The following TMC2 variants were observed in gnomAD, a reference collection of about 807,000 sequenced individuals.
TMC2 encodes transmembrane channel-like protein 2.
In TMC2, 102 loss-of-function variants were observed where a neutral mutation model predicts 105.9. The observed-to-expected ratio is 0.96, with a 90% CI of 0.82 to 1.14. The LOEUF (loss-of-function observed/expected upper bound fraction) is 1.14, where lower values mean the gene tolerates loss of function less well. Among genes scored for constraint, TMC2 ranks in the 50% most tolerant of loss-of-function variants. The probability of loss-of-function intolerance (pLI) is 0.00; values close to 1 mark genes in which losing one functional copy is unlikely to be tolerated. For synonymous variants in TMC2, 402 were observed against 422.8 expected (o/e 0.95, Z 0.60); for missense variants, 1,093 against 1,134.3 (o/e 0.96, Z 0.52).
rs79582407 is a variant in TMC2 at position 2,578,652 on chromosome 20, A to G, written c.646-494A>G. Among the ~76,000 whole-genome samples, 99 of 152,344 alleles carry G rather than the reference A, an allele frequency of 6.5e-4. 2 individuals carry two copies. The East Asian group carries it at 0.018, about 28-fold the overall frequency. ...TCCCCCAGGAGAAGAATGTTCAGCT[A>G]TGGGTTGAGATCTCCTTATCAGTTG... is the stretch of plus-strand genomic sequence containing the variant. On this transcript the variant is annotated intron_variant, in intron 5 of 19. Transcript: ENST00000358864.
chr20:2,545,006 G>A (rs1441737389), intron 2 of TMC2, among the ~76,000 whole-genome samples: 1 of 150,386 alleles, frequency 6.6e-6, no homozygotes, highest in East Asian at 1.9e-4. Flanking sequence ...GAGCAGCCTG[G>A]GCAATATAAT....
At chr20:2,573,561 C>CTTTTTTTTTTTT (rs370771531) in intron 5 of TMC2, among the ~76,000 whole-genome samples, 4 of 117,000 alleles carry the variant, frequency 3.4e-5, no homozygotes, top group Admixed American at 8.7e-5. Flanking sequence ...CTTTTCTTTT[C>CTTTTTTTTTTTT]TTTTTTTTTT....
intron 16 of TMC2, among the ~76,000 whole-genome samples, chr20:2,623,651 C>CACCAAAATT (rs1211134691): frequency 6.6e-6 from 1 of 152,142 alleles, no homozygotes; most frequent in African/African-American, 2.4e-5. Context: ...CACCTCTTGG[C>CACCAAAATT]ACCAAAATTA....
chr20:2,572,357 C>T (rs1328550207), intron 5 of TMC2, 88 bp downstream of exon 5: 1 of 969,710 alleles, frequency 1.0e-6, no homozygotes, highest in African/African-American at 1.6e-5. Context: ...CCCAGCTTCG[C>T]CATTTGTGTC....
At chr20:2,617,355 A>G in intron 16 of TMC2, 44 bp downstream of exon 16, 1 of 1,611,736 alleles carries the variant, frequency 6.2e-7, no homozygotes. Context: ...CTCCCGAGGC[A>G]GTCTGCTCAG....
At chr20:2,583,122 T>G (rs1181597724) in intron 7 of TMC2, among the ~76,000 whole-genome samples, 1 of 152,210 alleles carries the variant, frequency 6.6e-6, no homozygotes, top group East Asian at 1.9e-4. Context: ...TTATCTCTGT[T>G]TTAAAAGCTT....
At chr20:2,620,815 A>G (rs1245788945) in intron 16 of TMC2, among the ~76,000 whole-genome samples, 1 of 152,234 alleles carries the variant, frequency 6.6e-6, no homozygotes, top group Admixed American at 6.5e-5. Flanking sequence ...TCTGCAGCCC[A>G]GAGGATTATT....
chr20:2,546,517 G>GTAGA (rs1356278008), intron 2 of TMC2, among the ~76,000 whole-genome samples: 5 of 152,130 alleles, frequency 3.3e-5, no homozygotes, highest in Non-Finnish European at 5.9e-5. Context: ...GGCATAAGCT[G>GTAGA]TCTACATCTG....
At chr20:2,581,543 A>G (rs2086190100) in intron 7 of TMC2, among the ~76,000 whole-genome samples, 1 of 152,238 alleles carries the variant, frequency 6.6e-6, no homozygotes, top group East Asian at 1.9e-4. Context: ...GCTAATAGGA[A>G]GTCTCATTTA....
chr20:2,567,357 T>C (rs1370349763), intron 4 of TMC2, among the ~76,000 whole-genome samples: 1 of 152,142 alleles, frequency 6.6e-6, no homozygotes, highest in Non-Finnish European at 1.5e-5. Flanking sequence ...ACCATAGCAA[T>C]GTCAGAGGAG....
At chr20:2,572,903 C>T (rs1256249343) in intron 5 of TMC2, among the ~76,000 whole-genome samples, 2 of 151,828 alleles carry the variant, frequency 1.3e-5, no homozygotes, top group Non-Finnish European at 1.5e-5. Flanking sequence ...TCTAGGTTCC[C>T]CTTTTTACCT....
At position 2,540,310 on chromosome 20, in the gene TMC2, A is replaced by G. The variant is rs1451463443; in HGVS notation, c.82+2994A>G. Among the ~76,000 whole-genome samples, 3 of 151,782 alleles carry G rather than the reference A, an allele frequency of 2.0e-5. No homozygotes were observed. In the East Asian group the frequency reaches 5.8e-4, roughly 29 times the overall value. On this transcript the variant is annotated intron_variant, in intron 2 of 19. Transcript: ENST00000358864. ...GGCCGCAAGACTTTTCAATGCACCT[A>G]TGCCAGTTATCTCATCAGTCCTGGC...
chr20:2,639,018 C>G (rs1312141821), intron 19 of TMC2, among the ~76,000 whole-genome samples: 1 of 152,084 alleles, frequency 6.6e-6, no homozygotes, highest in African/African-American at 2.4e-5. Context: ...GCCTCAGCCT[C>G]CTGAGTAGCT....
At chr20:2,636,905 C>G (rs1186183822) in intron 18 of TMC2, among the ~76,000 whole-genome samples, 1 of 152,130 alleles carries the variant, frequency 6.6e-6, no homozygotes, top group African/African-American at 2.4e-5. Flanking sequence ...GCCACCGTGC[C>G]CAGCCCCTTC....
At chr20:2,631,705 G>T (rs79989760) in intron 17 of TMC2, among the ~76,000 whole-genome samples, 10 of 145,518 alleles carry the variant, frequency 6.9e-5, no homozygotes, top group South Asian at 2.1e-4. Context: ...GACTATGGCT[G>T]TTTTTTTTTT....
In TMC2 at chr20:2,572,224, G is replaced by A; in HGVS notation, c.600G>A (p.Lys200=). The A allele has an allele frequency of 6.2e-7, 1 of 1,613,470 alleles. No homozygotes were observed. The highest frequency in any genetic ancestry group is 8.5e-7 in the Non-Finnish European group (1 of 1,179,858). Residue 200 remains lysine (K), a synonymous_variant, in exon 5 of 20, where the codon AAG becomes AAA. Transcript: ENST00000358864. ...AGAAGTATGAAGGTGCCTTGGGAAA[G>A]GGGAAAGGCAAGCAACTATATGCCT... ...FVEKYEGALG[K]GKGKQLYAYK...
At chr20:2,609,813 G>T (rs1231901982) in intron 11 of TMC2, among the ~76,000 whole-genome samples, 1 of 151,990 alleles carries the variant, frequency 6.6e-6, no homozygotes, top group African/African-American at 2.4e-5. Flanking sequence ...CAATTTGCAG[G>T]GATTTACTTT....
rs185721074 is a variant in TMC2 at position 2,542,006 on chromosome 20, G to A, written c.82+4690G>A. 6.7e-4 allele frequency among the ~76,000 whole-genome samples: 102 copies of A among 151,116 alleles called. No homozygotes were observed. The South Asian group carries it at 7.3e-3, about 11-fold the overall frequency. ...ATTGATATGTGAGTTCTTTCCATTA[G>A]TCTCATGTTTGATTAAAAAATTTTC... On this transcript the variant is annotated intron_variant, in intron 2 of 19. Transcript: ENST00000358864.
intron 5 of TMC2, among the ~76,000 whole-genome samples, chr20:2,573,747 A>G (rs918275987): frequency 2.1e-5 from 3 of 144,496 alleles, no homozygotes; most frequent in Admixed American, 1.4e-4. Context: ...TTTTTAGTAG[A>G]GACGGGGTTT....
Sources: gnomAD v4.1 joint callset for allele counts (sites outside exome capture counted in the v4.1 genomes callset) on GRCh38, gnomAD v4.1.1 for gene constraint, MANE v1.5 for transcripts, NCBI Gene and HGNC (gene_info 2026-07-23, HGNC 2026-07-21) for gene names.